TSNAX: variants seen among roughly 807,000 people sequenced by gnomAD.
The protein encoded by TSNAX is translin-associated protein X.
In TSNAX, 12 loss-of-function variants were observed where a neutral mutation model predicts 33.0. That is an observed-to-expected ratio of 0.36 (90% confidence interval 0.23 to 0.59). The LOEUF is 0.59. Ranked by LOEUF, TSNAX falls within the 20% of genes least tolerant of loss-of-function variation. The pLI is 0.74. For synonymous variants in TSNAX, 110 were observed against 117.2 expected, an observed-to-expected ratio of 0.94 and a Z score of 0.40; for missense variants, 267 against 341.3, an observed-to-expected ratio of 0.78 and a Z score of 1.72.
rs1409121812 is a variant in TSNAX at position 231,528,846 on chromosome 1, G to A, written c.16+20G>A. The A allele has an allele frequency of 2.5e-6, 4 of 1,614,102 alleles. No homozygotes were observed. The East Asian group carries it at 6.7e-5, about 27-fold the overall frequency. On this transcript the variant is annotated intron_variant, in intron 1 of 5. Coordinates refer to ENST00000366639, the MANE Select transcript of TSNAX (RefSeq NM_005999.3). ...AAGAAGGTGGCGTCCTTAACAACACGGGGCGTTATTTATCCGGAGGGGGAG... is the reference window on the plus strand; with the variant it reads ...AAGAAGGTGGCGTCCTTAACAACACAGGGCGTTATTTATCCGGAGGGGGAG...
At position 231,528,850 on chromosome 1, in the gene TSNAX, C is replaced by G. The variant is rs1157483103; in HGVS notation, c.16+24C>G. 8 of 1,613,924 alleles carry G rather than the reference C, an allele frequency of 5.0e-6. No homozygotes were observed. The Admixed American group carries it at 8.3e-5, about 17-fold the overall frequency. ...AGGTGGCGTCCTTAACAACACGGGG[C>G]GTTATTTATCCGGAGGGGGAGGTTC... On this transcript the variant is annotated intron_variant, in intron 1 of 5. Coordinates refer to ENST00000366639, the MANE Select transcript of TSNAX (RefSeq NM_005999.3).
At chr1:231,542,320 A>C in intron 3 of TSNAX, 161 bp from the exon 4 acceptor site, 1 of 674,506 alleles carries the variant, frequency 1.5e-6, no homozygotes, top group Non-Finnish European at 2.3e-6. Context: ...TGTGTTAATA[A>C]CATTTTCATG....
At chr1:231,555,682 A>G (rs1256431677) in intron 4 of TSNAX, among the ~76,000 whole-genome samples, 1 of 152,230 alleles carries the variant, frequency 6.6e-6, no homozygotes, top group Non-Finnish European at 1.5e-5. Context: ...GCCATAATTC[A>G]TTTTGTTGGG....
At chr1:231,531,716 C>G (rs779501767) in intron 2 of TSNAX, among the ~76,000 whole-genome samples, 27 of 152,070 alleles carry the variant, frequency 1.8e-4, no homozygotes, top group Non-Finnish European at 3.4e-4. Context: ...TCAGTTCGTG[C>G]AATATACATG....
intron 4 of TSNAX, among the ~76,000 whole-genome samples, chr1:231,552,000 AAAAG>A (rs940082849): frequency 1.3e-5 from 2 of 151,692 alleles, no homozygotes; most frequent in African/African-American, 2.4e-5. Context: ...TCTTTTTAAA[AAAAG>A]AAAGACCCAT....
chr1:231,561,075 A>G (rs963583121), intron 4 of TSNAX, 53 bp from the exon 5 acceptor site: 49 of 1,565,130 alleles, frequency 3.1e-5, no homozygotes, highest in Admixed American at 4.0e-5. Flanking sequence ...TTATTATGAC[A>G]TTCTTACTAA....
Position 231,537,327 on chromosome 1 carries a change from G to A in TSNAX, c.236G>A (p.Ser79Asn), listed in dbSNP as rs1227246082. 1.9e-6 allele frequency: 3 copies of A among 1,576,060 alleles called. No individual in the cohort carries two copies. Among genetic ancestry groups the A allele is most frequent in the African/African-American group, 1.4e-5 (1 of 73,844 alleles). ...ATTTTTCTCCTCCATAGGATTACAAGGTGAGTAAGCATCTTTAGAATTTAT... is the reference window on the plus strand; with the variant it reads ...ATTTTTCTCCTCCATAGGATTACAAAGTGAGTAAGCATCTTTAGAATTTAT... Reference protein sequence around the residue: ...RTIFLLHRITSAPDMEDILTE... With the variant: ...RTIFLLHRITNAPDMEDILTE... The change falls in exon 3 of 6, where the codon AGT becomes AAT. Residue 79 changes from serine (S) to asparagine (N), a missense_variant and splice_region_variant. This residue lies in a region of TSNAX where 200 missense variants were observed against 214.1 expected (regional missense o/e 0.93). Transcript: ENST00000366639.
intron 5 of TSNAX, 50 bp downstream of exon 5, chr1:231,561,305 T>C: frequency 7.4e-7 from 1 of 1,347,770 alleles, no homozygotes; most frequent in Non-Finnish European, 1.0e-6. Context: ...TATGTAACAG[T>C]ATGACGATTC....
intron 4 of TSNAX, among the ~76,000 whole-genome samples, 179 bp from the exon 5 acceptor site, chr1:231,560,949 C>T (rs532877515): frequency 2.0e-5 from 3 of 152,190 alleles, no homozygotes; most frequent in South Asian, 2.1e-4. Context: ...CGTGAGCCAC[C>T]GCGCCTGGTC....
intron 4 of TSNAX, among the ~76,000 whole-genome samples, chr1:231,546,935 A>T (rs1447997249): frequency 1.3e-5 from 2 of 152,178 alleles, no homozygotes; most frequent in Admixed American, 6.6e-5. Flanking sequence ...GGCATGGAGC[A>T]CTTCTGCCCA....
At position 231,549,998 on chromosome 1, in the gene TSNAX, T is replaced by G. The variant is rs543336621; in HGVS notation, c.367+7387T>G. On this transcript the variant is annotated intron_variant, in intron 4 of 5. Coordinates refer to ENST00000366639, the MANE Select transcript of TSNAX (RefSeq NM_005999.3). ...GACATGCAGATGGCTATCTTTTCCC[T>G]GGGTCTTCACATGGCCTTGTGCACA... is the stretch of plus-strand genomic sequence containing the variant. Among the ~76,000 whole-genome samples, 3 of 152,340 alleles carry G rather than the reference T, an allele frequency of 2.0e-5. No individual in the cohort carries two copies. The South Asian group carries it at 6.2e-4, about 32-fold the overall frequency.
At chr1:231,561,021 T>G in intron 4 of TSNAX, 107 bp from the exon 5 acceptor site, 1 of 1,126,264 alleles carries the variant, frequency 8.9e-7, no homozygotes, top group Non-Finnish European at 1.3e-6. Flanking sequence ...TAGGCATCCA[T>G]TAAGCTTTTT....
intron 3 of TSNAX, 134 bp downstream of exon 3, chr1:231,537,461 CT>C (rs1558122141): frequency 1.8e-6 from 1 of 556,908 alleles, no homozygotes; most frequent in African/African-American, 2.0e-5. Flanking sequence ...TAGGTCTCAG[CT>C]GGGTGTGGTG....
At chr1:231,538,012 TCA>T (rs1659297928) in intron 3 of TSNAX, among the ~76,000 whole-genome samples, 1 of 152,212 alleles carries the variant, frequency 6.6e-6, no homozygotes, top group Non-Finnish European at 1.5e-5. Flanking sequence ...GCTTTCTGCC[TCA>T]CAATTATTGA....
rs754026892 is a variant in TSNAX at position 231,564,794 on chromosome 1, G to A, written c.762G>A (p.Glu254=). 20 of 1,614,072 alleles carry A rather than the reference G, an allele frequency of 1.2e-5. No individual in the cohort carries two copies. In the East Asian group the frequency reaches 4.5e-4, roughly 36 times the overall value. Residue 254 remains glutamate (E), a synonymous_variant, in exon 6 of 6, where the codon GAG becomes GAA. Transcript: ENST00000366639. ...TGAAACAAAGTTTGGCCAAAGTGGA[G>A]AATGCTTGTTATGCCTTGAAAGTCA... is the stretch of plus-strand genomic sequence containing the variant. ...YTLKQSLAKV[E]NACYALKVRG... is the part of the protein sequence containing the mutation.
intron 5 of TSNAX, among the ~76,000 whole-genome samples, 192 bp from the exon 6 acceptor site, chr1:231,564,336 C>G (rs1178236135): frequency 6.6e-6 from 1 of 152,160 alleles, no homozygotes; most frequent in Non-Finnish European, 1.5e-5. Flanking sequence ...GGCACACATT[C>G]CTCCTGTAAC....
intron 4 of TSNAX, among the ~76,000 whole-genome samples, chr1:231,545,527 TA>T (rs1235041970): frequency 3.3e-5 from 5 of 151,346 alleles, no homozygotes; most frequent in Admixed American, 6.6e-5. Flanking sequence ...AATAAGTCTT[TA>T]AAAAAAAATT....
chr1:231,562,877 T>C (rs905450815), intron 5 of TSNAX, among the ~76,000 whole-genome samples: 4 of 152,188 alleles, frequency 2.6e-5, no homozygotes, highest in Admixed American at 6.5e-5. Context: ...ATTTCAAACA[T>C]GCAGAAAAAT....
intron 4 of TSNAX, among the ~76,000 whole-genome samples, chr1:231,560,555 C>T (rs1034246454): frequency 1.2e-4 from 18 of 151,262 alleles, no homozygotes; most frequent in Non-Finnish European, 1.6e-4. Flanking sequence ...GCTGGGATTA[C>T]GGGCTCCTGC....
Sources: gnomAD v4.1 joint callset for allele counts (sites outside exome capture counted in the v4.1 genomes callset) on GRCh38, gnomAD v4.1.1 for gene constraint, gnomAD v4.1.1 regional missense constraint, MANE v1.5 for transcripts, NCBI Gene and HGNC (gene_info 2026-07-23, HGNC 2026-07-21) for gene names.